The following CACNG2 variants were observed in gnomAD, a reference collection of about 807,000 sequenced individuals.
The protein encoded by CACNG2 is calcium voltage-gated channel auxiliary subunit gamma 2.
In CACNG2, 3 loss-of-function variants were observed where a neutral mutation model predicts 25.9. That is an observed-to-expected ratio of 0.12 (90% CI 0.05 to 0.30). The LOEUF is 0.30. Ranked by LOEUF, CACNG2 falls within the 10% of genes least tolerant of loss-of-function variation. The pLI, the probability that CACNG2 is intolerant of heterozygous loss-of-function variation, is 1.00. For missense variants in CACNG2, 341 were observed against 432.5 expected (o/e 0.79, Z 1.88); for synonymous variants, 167 against 173.3 (o/e 0.96, Z 0.29).
chr22:36,663,960 C>T (rs1015778252), intron 1 of CACNG2, among the ~76,000 whole-genome samples: 1 of 152,172 alleles, frequency 6.6e-6, no homozygotes, highest in Non-Finnish European at 1.5e-5. Flanking sequence ...TAGGAGGGAA[C>T]ATACCTGAGT....
At position 36,564,984 on chromosome 22, in the gene CACNG2, G is replaced by T; in HGVS notation, c.437-98C>A. 9.1e-7 allele frequency: 1 copy of T among 1,093,938 alleles called. No individual in the cohort carries two copies. The highest frequency in any genetic ancestry group is 1.4e-6 in the Non-Finnish European group (1 of 723,376). The allele number at this position is 1,093,938 out of a possible 1,614,324, so 67.8% of individuals were successfully genotyped here. A position where few individuals can be genotyped will look rare whatever the true frequency, so the allele number is the denominator to read the frequency against. On this transcript the variant is annotated intron_variant, in intron 3 of 3. Transcript: ENST00000300105. This position sits in a 1 kb window ranked among gnomAD's most constrained non-coding sequence, Gnocchi z 6.7. ...GCAGCCGTAAAGGACGGGGACAGCT[G>T]TGTGGGCCTTCCCCGGTCCCGCGCC... is the stretch of plus-strand genomic sequence containing the variant.
rs56791508 is a variant in CACNG2 at position 36,563,366 on chromosome 22, CGG to C, written c.*983_*984del. On this transcript the variant is annotated 3_prime_UTR_variant, in exon 4 of 4. Coordinates refer to ENST00000300105, the MANE Select transcript of CACNG2 (RefSeq NM_006078.5). ...GGAGGGAGAGCTGTTTCATGTCCCC[CGG>C]GGGGGGGGGTGGCATCTCCTGACCC... is the stretch of plus-strand genomic sequence containing the variant. Among the ~76,000 whole-genome samples the C allele has an allele frequency of 0.16, 23,833 of 148,078 alleles. 4,676 individuals carry two copies. The highest frequency in any genetic ancestry group is 0.46 in the African/African-American group (18,801 of 40,856).
At chr22:36,597,215 G>A (rs1156652360) in intron 1 of CACNG2, among the ~76,000 whole-genome samples, 1 of 152,172 alleles carries the variant, frequency 6.6e-6, no homozygotes, top group African/African-American at 2.4e-5. Context: ...GTAGAGGTGG[G>A]GTTTCGCCAT....
At chr22:36,671,082 C>G (rs1039127468) in intron 1 of CACNG2, among the ~76,000 whole-genome samples, 9 of 152,054 alleles carry the variant, frequency 5.9e-5, no homozygotes, top group Non-Finnish European at 1.3e-4. Flanking sequence ...CCACACCCAG[C>G]TAATTTTTGT....
intron 3 of CACNG2, among the ~76,000 whole-genome samples, chr22:36,565,344 G>A (rs1248791954): frequency 6.6e-6 from 1 of 152,194 alleles, no homozygotes; most frequent in Admixed American, 6.5e-5. Context: ...GCTGGCCTGC[G>A]TTCAAAGCCT....
intron 1 of CACNG2, among the ~76,000 whole-genome samples, chr22:36,680,390 C>G (rs922229247): frequency 1.4e-5 from 2 of 147,908 alleles, no homozygotes; most frequent in African/African-American, 2.5e-5. Context: ...ACCACCATCA[C>G]TGCCACCATC....
chr22:36,589,000 TTTCC>T lies in CACNG2; in HGVS notation c.212-1456_212-1453del, dbSNP rs200943154. ...ATTACATATACCTTTTTTTTTTTTT[TTTCC>T]CCCTGAAATGGAGTCTCACTCTGTC... On this transcript the variant is annotated intron_variant, in intron 1 of 3. Coordinates refer to ENST00000300105, the MANE Select transcript of CACNG2 (RefSeq NM_006078.5). 1.1e-3 allele frequency among the ~76,000 whole-genome samples: 136 copies of T among 128,726 alleles called. 3 individuals carry two copies. In the East Asian group the frequency reaches 0.025, roughly 24 times the overall value. 84.4% of individuals were successfully genotyped at this position (128,726 alleles called of 152,430 possible). A position where few individuals can be genotyped will look rare whatever the true frequency, so the allele number is the denominator to read the frequency against.
chr22:36,566,302 C>G, intron 3 of CACNG2, 51 bp downstream of exon 3: 4 of 1,601,678 alleles, frequency 2.5e-6, no homozygotes, highest in Middle Eastern at 1.7e-4. Context: ...CCCCTGAGCA[C>G]CCACACCCCA....
intron 1 of CACNG2, among the ~76,000 whole-genome samples, chr22:36,590,865 C>T (rs776513389): frequency 5.3e-5 from 8 of 152,072 alleles, no homozygotes; most frequent in Non-Finnish European, 1.2e-4. Context: ...TTCTTTCCTG[C>T]CATGCTCCCT....
chr22:36,589,953 C>A (rs919284725), intron 1 of CACNG2, among the ~76,000 whole-genome samples: 5 of 152,182 alleles, frequency 3.3e-5, no homozygotes, highest in African/African-American at 4.8e-5. Context: ...TCTTTCAATT[C>A]AATCTGACAA....
chr22:36,686,197 T>G (rs1937194633), intron 1 of CACNG2, among the ~76,000 whole-genome samples: 1 of 152,158 alleles, frequency 6.6e-6, no homozygotes, highest in African/African-American at 2.4e-5. Flanking sequence ...GATGGGCCCC[T>G]GTCTAATCCC....
At chr22:36,638,358 G>A (rs1025595727) in intron 1 of CACNG2, among the ~76,000 whole-genome samples, 9 of 152,178 alleles carry the variant, frequency 5.9e-5, no homozygotes, top group African/African-American at 1.7e-4. Context: ...GACACTTATT[G>A]AGGGCACGAG....
chr22:36,701,928 G>A (rs1937415787), intron 1 of CACNG2, among the ~76,000 whole-genome samples: 1 of 152,140 alleles, frequency 6.6e-6, no homozygotes, highest in Non-Finnish European at 1.5e-5. Context: ...GGGGAGTAAG[G>A]AGAAGAGGAG....
At chr22:36,602,768 C>G (rs761423589) in intron 1 of CACNG2, among the ~76,000 whole-genome samples, 7 of 152,132 alleles carry the variant, frequency 4.6e-5, no homozygotes, top group Non-Finnish European at 1.0e-4. Flanking sequence ...TTTTGGAGTG[C>G]CAAGAACTGC....
chr22:36,672,001 G>C (rs937626280), intron 1 of CACNG2, among the ~76,000 whole-genome samples: 1 of 152,156 alleles, frequency 6.6e-6, no homozygotes, highest in African/African-American at 2.4e-5. Flanking sequence ...AGGCAATAAA[G>C]AAAGGGAAGA....
chr22:36,617,107 T>C (rs1464399759), intron 1 of CACNG2, among the ~76,000 whole-genome samples: 1 of 152,162 alleles, frequency 6.6e-6, no homozygotes, highest in Non-Finnish European at 1.5e-5. Context: ...CATGTTGAAA[T>C]TGAGACCTTG....
intron 1 of CACNG2, among the ~76,000 whole-genome samples, chr22:36,639,594 T>C (rs980997591): frequency 3.3e-5 from 5 of 152,242 alleles, no homozygotes; most frequent in African/African-American, 9.6e-5. Flanking sequence ...TCCTCCTCCC[T>C]GTGTCATCTC....
chr22:36,607,039 G>A (rs956138320), intron 1 of CACNG2, among the ~76,000 whole-genome samples: 2 of 151,630 alleles, frequency 1.3e-5, no homozygotes, highest in Admixed American at 6.6e-5. Flanking sequence ...GTGAACTTAC[G>A]AGCAATGGGG....
At chr22:36,589,294 C>CAT (rs761046442) in intron 1 of CACNG2, among the ~76,000 whole-genome samples, 146 of 151,040 alleles carry the variant, frequency 9.7e-4, no homozygotes, top group Admixed American at 1.4e-3. Context: ...CCAGCCTAGA[C>CAT]ATATATATAT....
Sources: allele counts gnomAD v4.1 joint callset (sites outside exome capture counted in the v4.1 genomes callset), GRCh38; gene constraint gnomAD v4.1.1; non-coding constraint Gnocchi (gnomAD v3.1); transcripts MANE v1.5; gene names NCBI Gene and HGNC (gene_info 2026-07-23, HGNC 2026-07-21).